RBPJ: variants seen among roughly 807,000 people sequenced by gnomAD.
RBPJ encodes the protein recombination signal binding protein for immunoglobulin kappa J region.
RBPJ carries 9 observed loss-of-function variants against 67.8 expected under a neutral mutation model. The ratio of observed to expected loss-of-function variants is 0.13; its 90% CI spans 0.08 to 0.23. The LOEUF is 0.23. Among genes scored for constraint, RBPJ ranks in the 10% least tolerant of loss-of-function variants. The pLI is 1.00. For synonymous variants in RBPJ, 198 were observed against 203.3 expected (o/e 0.97, Z 0.22); for missense variants, 305 against 595.6 (o/e 0.51, Z 5.08).
At chr4:26,316,634 T>TGATATATATATACACATATG (rs1722646017), upstream of RBPJ, among the ~76,000 whole-genome samples, 1 of 141,916 alleles carries the variant, frequency 7.0e-6, no homozygotes, top group Admixed American at 7.3e-5. Flanking sequence ...ATACACATAT[T>TGATATATATATACACATATG]GATATATATA....
intron 1 of RBPJ, among the ~76,000 whole-genome samples, chr4:26,213,011 C>T (rs188012974): frequency 8.2e-4 from 125 of 152,280 alleles, no homozygotes; most frequent in Non-Finnish European, 1.5e-3. Flanking sequence ...TCAGGACCTT[C>T]CAGACCACGT....
upstream of RBPJ, among the ~76,000 whole-genome samples, chr4:26,318,335 G>A (rs1028884406): frequency 7.9e-5 from 12 of 152,206 alleles, no homozygotes; most frequent in African/African-American, 2.9e-4. Context: ...AATCTGAAAC[G>A]TGGCTGATTG....
intron 1 of RBPJ, among the ~76,000 whole-genome samples, chr4:26,273,174 C>G (rs1172621998): frequency 1.3e-5 from 2 of 152,280 alleles, no homozygotes; most frequent in East Asian, 1.9e-4. Flanking sequence ...GCCTCAGCCT[C>G]TTTTTTAAGT....
intron 2 of RBPJ, among the ~76,000 whole-genome samples, chr4:26,398,506 T>A (rs1732398137): frequency 6.6e-6 from 1 of 152,248 alleles, no homozygotes; most frequent in African/African-American, 2.4e-5. Context: ...TCCAGGAATT[T>A]ACTTTGAGAA....
chr4:26,270,571 CAG>C (rs1720886946), intron 1 of RBPJ, among the ~76,000 whole-genome samples: 1 of 152,072 alleles, frequency 6.6e-6, no homozygotes, highest in Non-Finnish European at 1.5e-5. Flanking sequence ...ACAACTGACT[CAG>C]AATCTTTGGG....
chr4:26,425,361 G>A (rs1735532232), intron 7 of RBPJ, among the ~76,000 whole-genome samples: 1 of 152,134 alleles, frequency 6.6e-6, no homozygotes, highest in Non-Finnish European at 1.5e-5. Context: ...GAAGGCAGGA[G>A]AAGGAGAAGT....
the RBPJ span, among the ~76,000 whole-genome samples, chr4:26,126,359 C>G: frequency 2.0e-5 from 3 of 152,192 alleles, no homozygotes; most frequent in Non-Finnish European, 4.4e-5. Flanking sequence ...CTCCCCTTTT[C>G]GGGGAATCCC....
At chr4:26,215,271 G>GT (rs1394891769) in intron 1 of RBPJ, among the ~76,000 whole-genome samples, 1 of 120,964 alleles carries the variant, frequency 8.3e-6, no homozygotes, top group Non-Finnish European at 1.7e-5. Flanking sequence ...AAGGGAGGGA[G>GT]GAAAAAGAGA....
chr4:26,356,832 C>T (rs1727434883), intron 1 of RBPJ, among the ~76,000 whole-genome samples: 1 of 152,190 alleles, frequency 6.6e-6, no homozygotes, highest in Non-Finnish European at 1.5e-5. Context: ...TTGCTAGTTG[C>T]AAAGATATGT....
intron 1 of RBPJ, among the ~76,000 whole-genome samples, chr4:26,214,771 G>GAA (rs1560213981): frequency 9.9e-5 from 1 of 10,124 alleles, no homozygotes; most frequent in Non-Finnish European, 1.5e-4. Context: ...AGAAAAAAGA[G>GAA]AAAGAAAGAA....
chr4:26,334,911 C>T (rs1275269376), intron 1 of RBPJ, among the ~76,000 whole-genome samples: 2 of 152,148 alleles, frequency 1.3e-5, no homozygotes, highest in Admixed American at 1.3e-4. Flanking sequence ...TTGTCTTCCT[C>T]TTGCTGTATT....
intron 3 of RBPJ, among the ~76,000 whole-genome samples, chr4:26,407,022 A>T (rs1326342317): frequency 6.6e-6 from 1 of 152,246 alleles, no homozygotes; most frequent in Non-Finnish European, 1.5e-5. Flanking sequence ...GGGTAATTTA[A>T]TAAAGGTCAT....
At chr4:26,326,203 A>C (rs1723614251) in intron 1 of RBPJ, among the ~76,000 whole-genome samples, 2 of 152,114 alleles carry the variant, frequency 1.3e-5, no homozygotes, top group Admixed American at 6.6e-5. Flanking sequence ...ATTTATATAT[A>C]GGTATTTGAC....
intron 1 of RBPJ, among the ~76,000 whole-genome samples, chr4:26,348,814 C>CT (rs544782305): frequency 5.5e-4 from 83 of 151,896 alleles, no homozygotes; most frequent in African/African-American, 2.0e-3. Context: ...AGCCATCCTT[C>CT]TGCCCTAGTC....
In RBPJ at chr4:26,388,987, T is replaced by C. The variant is rs188095931; in HGVS notation, c.59+2596T>C. On this transcript the variant is annotated intron_variant, in intron 2 of 10. Transcript: ENST00000355476. ...CTGTAATCCCAGTACTTTGGGAAGCTGAGGCGGGCAGATCTCTTGAGCTTA... is the reference window on the plus strand; with the variant it reads ...CTGTAATCCCAGTACTTTGGGAAGCCGAGGCGGGCAGATCTCTTGAGCTTA... 3.8e-3 allele frequency among the ~76,000 whole-genome samples: 571 copies of C among 152,190 alleles called. 4 individuals are homozygous for C. The highest frequency in any genetic ancestry group is 0.013 in the African/African-American group (546 of 41,534).
chr4:26,319,619 G>T (rs1007758224), upstream of RBPJ: 1 of 584,816 alleles, frequency 1.7e-6, no homozygotes, highest in African/African-American at 1.9e-5. Flanking sequence ...GTTCTCGCGA[G>T]GTTTAGGAAA....
rs192435543 is a variant in RBPJ, at chr4:26,404,316, C to T, written c.60-1859C>T. Reference sequence around the variant, plus strand: ...GATGCACAGTTTGCACGTATTTCCTCCCATTCTGTAGGTTGTCTGTTTACT... The same window carrying T: ...GATGCACAGTTTGCACGTATTTCCTTCCATTCTGTAGGTTGTCTGTTTACT... On this transcript the variant is annotated intron_variant, in intron 2 of 10. Coordinates refer to ENST00000355476, the MANE Select transcript of RBPJ (RefSeq NM_015874.6). 7.2e-5 allele frequency among the ~76,000 whole-genome samples: 11 copies of T among 152,230 alleles called. No homozygotes were observed. The East Asian group carries it at 1.7e-3, about 24-fold the overall frequency.
chr4:26,128,889 T>C, the RBPJ span, among the ~76,000 whole-genome samples: 1 of 152,204 alleles, frequency 6.6e-6, no homozygotes, highest in Non-Finnish European at 1.5e-5. Context: ...TTGGCTCTCA[T>C]TTTCTCTCTT....
At chr4:26,292,305 C>T (rs1299662196) in intron 1 of RBPJ, among the ~76,000 whole-genome samples, 1 of 150,830 alleles carries the variant, frequency 6.6e-6, no homozygotes, top group Non-Finnish European at 1.5e-5. Flanking sequence ...ATAAAAGTGA[C>T]ATCACACAGT....
Sources: gnomAD v4.1 joint callset for allele counts (sites outside exome capture counted in the v4.1 genomes callset) on GRCh38, gnomAD v4.1.1 for gene constraint, MANE v1.5 for transcripts, NCBI Gene and HGNC (gene_info 2026-07-23, HGNC 2026-07-21) for gene names.